PRCP: variants seen among roughly 807,000 people sequenced by gnomAD.
The protein encoded by PRCP is lysosomal Pro-X carboxypeptidase.
Under a neutral mutation model 54.2 loss-of-function variants are expected in PRCP, and 46 were observed. The observed-to-expected ratio is 0.85, with a 90% CI of 0.67 to 1.09. PRCP has a LOEUF of 1.09. Among genes scored for constraint, PRCP ranks in the 50% least tolerant of loss-of-function variants. The pLI is 0.00. For synonymous variants in PRCP, 240 were observed against 212.2 expected (o/e 1.13, Z -1.14); for missense variants, 613 against 596.8 (o/e 1.03, Z -0.28).
In PRCP at chr11:82,825,072, G is replaced by A. The variant is rs767922726; in HGVS notation, c.1325C>T (p.Thr442Ile). The A allele has an allele frequency of 2.5e-6, 4 of 1,613,902 alleles. No homozygotes were observed. The highest frequency in any genetic ancestry group is 1.1e-5 in the South Asian group (1 of 91,066). The change falls in exon 9 of 9, where the codon ACA becomes ATA. Residue 442 changes from threonine (T) to isoleucine (I), a missense_variant. Coordinates refer to ENST00000313010, the MANE Select transcript of PRCP (RefSeq NM_005040.4). The part of the protein sequence containing the change: ...WSGGGVTKDI[T>I]DTLVAVTISE... ...GATGGTGACTGCAACCAGAGTGTCT[G>A]TGATATCCTTAGTTACTCCACCTCC...
In PRCP at chr11:82,900,252, G is replaced by A; in HGVS notation, c.151C>T (p.Leu51Phe). ...LPAVAKNYSV[L>F]YFQQKVDHFG... ...CCCCTTACCTTCTGTTGGAAGTAGA[G>A]AACCGAATAGTTCTTGGCTACAGCC... Residue 51 changes from leucine (L) to phenylalanine (F), a missense_variant, in exon 1 of 9, where the codon CTC becomes TTC. Coordinates refer to ENST00000313010, the MANE Select transcript of PRCP (RefSeq NM_005040.4). 1.9e-6 allele frequency: 3 copies of A among 1,614,226 alleles called. No homozygotes were observed. The highest frequency in any genetic ancestry group is 2.5e-6 in the Non-Finnish European group (3 of 1,180,032).
At chr11:82,841,823 T>C (rs1356484695) in intron 6 of PRCP, among the ~76,000 whole-genome samples, 1 of 152,192 alleles carries the variant, frequency 6.6e-6, no homozygotes, top group Non-Finnish European at 1.5e-5. Context: ...CTAGGAAATA[T>C]GTCAATAAGA....
At chr11:82,890,992 C>A (rs1006459557) in intron 1 of PRCP, among the ~76,000 whole-genome samples, 1 of 152,198 alleles carries the variant, frequency 6.6e-6, no homozygotes, top group Non-Finnish European at 1.5e-5. Context: ...TCACTAACTC[C>A]TTTGTTGCTC....
intron 8 of PRCP, chr11:82,828,924 T>A (rs1156872099): frequency 6.6e-6 from 1 of 152,196 alleles, no homozygotes. Flanking sequence ...AAAAGTTTGA[T>A]GTCACTCTTT....
intron 8 of PRCP, among the ~76,000 whole-genome samples, chr11:82,832,484 T>G (rs1858412646): frequency 2.0e-5 from 3 of 152,226 alleles, no homozygotes; most frequent in African/African-American, 7.2e-5. Context: ...ATAAGTTTGT[T>G]GGCCGCATAA....
At chr11:82,874,314 G>T (rs2086297) in intron 1 of PRCP, among the ~76,000 whole-genome samples, 16,782 of 152,156 alleles carry the variant, frequency 0.11, 1,584 homozygotes, top group African/African-American at 0.26. Flanking sequence ...GTCACTGCCC[G>T]CACAGGGCTT....
intron 1 of PRCP, among the ~76,000 whole-genome samples, chr11:82,867,817 G>A (rs961235795): frequency 6.6e-6 from 1 of 152,038 alleles, no homozygotes; most frequent in Non-Finnish European, 1.5e-5. Flanking sequence ...CGAACTCCTG[G>A]GCTCAGGCGA....
chr11:82,868,796 A>T (rs1461357366), intron 1 of PRCP, among the ~76,000 whole-genome samples: 3 of 152,122 alleles, frequency 2.0e-5, no homozygotes, highest in Non-Finnish European at 4.4e-5. Flanking sequence ...GCGCTTTGGG[A>T]GGCTGAGGCG....
At chr11:82,827,428 A>AT (rs1195665232) in intron 8 of PRCP, 9 of 152,082 alleles carry the variant, frequency 5.9e-5, no homozygotes, top group Admixed American at 2.0e-4. Flanking sequence ...TTCTGAGTTG[A>AT]TTTTTTTGTT....
At chr11:82,841,470 T>C (rs575384256) in intron 6 of PRCP, among the ~76,000 whole-genome samples, 13 of 152,314 alleles carry the variant, frequency 8.5e-5, no homozygotes, top group African/African-American at 2.4e-4. Context: ...GTTATTATTA[T>C]ATAATCTCAG....
chr11:82,853,314 G>A (rs752813838), intron 2 of PRCP, 36 bp from the exon 3 acceptor site: 1 of 1,554,950 alleles, frequency 6.4e-7, no homozygotes. Context: ...GATAAAATCA[G>A]AATGTGAAAA....
chr11:82,830,393 C>G (rs191258422), intron 8 of PRCP: 1 of 151,868 alleles, frequency 6.6e-6, no homozygotes, highest in Non-Finnish European at 1.5e-5. Flanking sequence ...TTTGGGAGGC[C>G]GAGGTGGATG....
Position 82,853,192 on chromosome 11 carries a change from A to G in PRCP, c.396T>C (p.Gly132=), listed in dbSNP as rs760763135. The G allele has an allele frequency of 6.2e-7, 1 of 1,604,098 alleles. No individual in the cohort carries two copies. The highest frequency in any genetic ancestry group is 8.5e-7 in the Non-Finnish European group (1 of 1,174,448). Residue 132 remains glycine (G), a synonymous_variant, in exon 3 of 9, where the codon GGT becomes GGC. Coordinates refer to ENST00000313010, the MANE Select transcript of PRCP (RefSeq NM_005040.4). ...GTATCTTTACCTTGAATGAGTTGTC[A>G]CCAAAGGGGAGAGACTCTCCATAGT... ...HRYYGESLPF[G]DNSFKDSRHL... is the part of the protein sequence containing the mutation.
intron 1 of PRCP, among the ~76,000 whole-genome samples, chr11:82,880,020 A>T (rs1211883359): frequency 6.6e-6 from 1 of 152,196 alleles, no homozygotes; most frequent in Non-Finnish European, 1.5e-5. Context: ...CCATTCTCAG[A>T]TCTCAAACTC....
intron 6 of PRCP, chr11:82,845,902 T>C (rs2121125901): frequency 6.6e-6 from 1 of 152,330 alleles, no homozygotes; most frequent in East Asian, 1.9e-4. Flanking sequence ...TCTGCATGAA[T>C]GTTGCAGCTT....
chr11:82,877,800 C>A (rs987364112), intron 1 of PRCP, among the ~76,000 whole-genome samples: 1 of 152,210 alleles, frequency 6.6e-6, no homozygotes, highest in Non-Finnish European at 1.5e-5. Context: ...AGAGCCCCCA[C>A]ACAGAGTCTC....
In PRCP at chr11:82,882,656, C is replaced by T. The variant is rs994876724; in HGVS notation, c.168+17579G>A. On this transcript the variant is annotated intron_variant, in intron 1 of 8. Coordinates refer to ENST00000313010, the MANE Select transcript of PRCP (RefSeq NM_005040.4). ...GACTACAGGCGCCCGCCACTACGCC[C>T]GGCTAATTTTTTGTATTTTTAGTAG... Among the ~76,000 whole-genome samples the T allele has an allele frequency of 2.0e-4, 30 of 150,378 alleles. 2 individuals carry two copies. In the South Asian group the frequency reaches 3.4e-3, roughly 17 times the overall value.
chr11:82,884,659 C>T (rs1260868111), intron 1 of PRCP, among the ~76,000 whole-genome samples: 2 of 151,982 alleles, frequency 1.3e-5, no homozygotes, highest in Non-Finnish European at 2.9e-5. Context: ...ACCCTTTTTT[C>T]CCTCCTTCTG....
chr11:82,892,869 C>T (rs1047358862), intron 1 of PRCP, among the ~76,000 whole-genome samples: 16 of 152,166 alleles, frequency 1.1e-4, no homozygotes, highest in African/African-American at 3.9e-4. Flanking sequence ...GAATGGTCAA[C>T]AAGTACAATT....
Sources: gnomAD v4.1 joint callset for allele counts (sites outside exome capture counted in the v4.1 genomes callset) on GRCh38, gnomAD v4.1.1 for gene constraint, MANE v1.5 for transcripts, NCBI Gene and HGNC (gene_info 2026-07-23, HGNC 2026-07-21) for gene names.